Variants in ART3 observed in about 807,000 individuals in gnomAD.
ART3 encodes ADP-ribosyltransferase 3 (inactive), also known as ecto-ADP-ribosyltransferase 3.
Under a neutral mutation model 48.5 loss-of-function variants are expected in ART3, and 49 were observed. That is an observed-to-expected ratio of 1.01 (90% CI 0.80 to 1.28). The LOEUF is 1.28. Among genes scored for constraint, ART3 ranks in the 50% most tolerant of loss-of-function variants. The pLI, the probability that ART3 is intolerant of heterozygous loss-of-function variation, is 0.00. For missense variants in ART3, 438 were observed against 454.3 expected (o/e 0.96, Z 0.33); for synonymous variants, 145 against 157.2 (o/e 0.92, Z 0.58).
At chr4:76,066,827 G>T (rs969399143) in intron 1 of ART3, among the ~76,000 whole-genome samples, 1 of 152,098 alleles carries the variant, frequency 6.6e-6, no homozygotes, top group Non-Finnish European at 1.5e-5. Flanking sequence ...TACTCATGAC[G>T]CCCAGGCTCA....
intron 10 of ART3, chr4:76,105,540 T>G: frequency 7.8e-7 from 1 of 1,289,138 alleles, no homozygotes; most frequent in Non-Finnish European, 1.0e-6. Context: ...ATGATACAAC[T>G]GAATGAAAAA....
intron 10 of ART3, chr4:76,106,394 G>A (rs960352445): frequency 1.0e-6 from 1 of 980,970 alleles, no homozygotes; most frequent in Non-Finnish European, 1.2e-6. Context: ...TGCCAGTTAG[G>A]ACAGATTTAT....
chr4:76,088,930 ACAT>A (rs1392605323), intron 3 of ART3, among the ~76,000 whole-genome samples: 5 of 152,168 alleles, frequency 3.3e-5, no homozygotes, highest in Non-Finnish European at 7.4e-5. Flanking sequence ...CTGTTTGATG[ACAT>A]CATAAATTTG....
chr4:76,034,642 T>C (rs1734180160), intron 1 of ART3: 1 of 682,724 alleles, frequency 1.5e-6, no homozygotes, highest in Admixed American at 3.2e-5. Flanking sequence ...CCTTTCATCC[T>C]TCACATAACT....
At chr4:76,105,658 C>A in intron 10 of ART3, 1 of 1,095,064 alleles carries the variant, frequency 9.1e-7, no homozygotes, top group South Asian at 2.4e-5. Flanking sequence ...GACATCTGGG[C>A]TGTACACTTT....
intron 3 of ART3, 31 bp downstream of exon 3, chr4:76,082,566 G>A: frequency 6.6e-7 from 1 of 1,506,096 alleles, no homozygotes; most frequent in South Asian, 1.3e-5. Flanking sequence ...TGCTTGGCTG[G>A]GAGGGAAGGA....
At chr4:76,052,429 A>C (rs148104551) in intron 1 of ART3, among the ~76,000 whole-genome samples, 3 of 152,266 alleles carry the variant, frequency 2.0e-5, no homozygotes, top group African/African-American at 7.2e-5. Flanking sequence ...TGCTTGAGAG[A>C]GCCACTGGTA....
chr4:76,052,650 A>G (rs1460356908), intron 1 of ART3, among the ~76,000 whole-genome samples: 9 of 151,156 alleles, frequency 6.0e-5, no homozygotes, highest in Middle Eastern at 3.5e-3. Flanking sequence ...CTCTATGTCT[A>G]TGTGTACACA....
intron 1 of ART3, among the ~76,000 whole-genome samples, chr4:76,050,972 C>T (rs945264182): frequency 7.2e-5 from 11 of 152,332 alleles, no homozygotes; most frequent in African/African-American, 1.9e-4. Context: ...GCCAAGCCCA[C>T]GCCTACCCGG....
chr4:76,026,790 A>G (rs1384153664), intron 1 of ART3, among the ~76,000 whole-genome samples: 1 of 152,224 alleles, frequency 6.6e-6, no homozygotes, highest in Non-Finnish European at 1.5e-5. Context: ...ATGGTGTTAG[A>G]AGAAGGAGGA....
chr4:76,078,348 A>T (rs1157507919), intron 2 of ART3, among the ~76,000 whole-genome samples: 1 of 152,108 alleles, frequency 6.6e-6, no homozygotes, highest in African/African-American at 2.4e-5. Flanking sequence ...ATATAATGTA[A>T]GGAATGTGGG....
chr4:76,100,550 G>A (rs542334254), intron 6 of ART3, among the ~76,000 whole-genome samples: 2 of 148,954 alleles, frequency 1.3e-5, no homozygotes, highest in Admixed American at 1.4e-4. Context: ...AGAATCCCTT[G>A]AACCAGGGAG....
chr4:76,035,798 C>G lies in ART3; in HGVS notation c.-10+24478C>G, dbSNP rs1734336123. 6 of 757,388 alleles carry G rather than the reference C, an allele frequency of 7.9e-6. No individual in the cohort carries two copies. The East Asian group carries it at 1.6e-4, about 20-fold the overall frequency. 46.9% of individuals were successfully genotyped at this position (757,388 alleles called of 1,614,324 possible). A position where few individuals can be genotyped will look rare whatever the true frequency, so the allele number is the denominator to read the frequency against. On this transcript the variant is annotated intron_variant, in intron 1 of 9. Transcript: ENST00000341029. ...CATGTCCACCATTTCTGTGCTAAAG[C>G]TGTAGTAACTTCTAATCTGTGAGAT...
chr4:76,031,949 C>T (rs1733906995), intron 1 of ART3, among the ~76,000 whole-genome samples: 1 of 152,090 alleles, frequency 6.6e-6, no homozygotes, highest in Non-Finnish European at 1.5e-5. Context: ...GTTTCAAAGG[C>T]TTCTTGGAGA....
intron 2 of ART3, 70 bp downstream of exon 2, chr4:76,076,028 GTC>G (rs1214645749): frequency 2.2e-5 from 30 of 1,351,682 alleles, no homozygotes; most frequent in Non-Finnish European, 3.0e-5. Context: ...TTGAGACGGA[GTC>G]TCTCTCTGTC....
At chr4:76,047,785 CA>C (rs1333108682) in intron 1 of ART3, among the ~76,000 whole-genome samples, 5 of 151,880 alleles carry the variant, frequency 3.3e-5, no homozygotes, top group Non-Finnish European at 7.4e-5. Flanking sequence ...CAGCTAAAGC[CA>C]CATTCTTTTC....
chr4:76,031,747 G>A (rs1271721152), intron 1 of ART3, among the ~76,000 whole-genome samples: 4 of 152,148 alleles, frequency 2.6e-5, no homozygotes, highest in Admixed American at 1.3e-4. Flanking sequence ...ATTCAATAGG[G>A]TCTGATATGC....
At chr4:76,012,730 TGCTTGGTGACTTTAG>T (rs979716416) in intron 1 of ART3, among the ~76,000 whole-genome samples, 1 of 152,224 alleles carries the variant, frequency 6.6e-6, no homozygotes, top group Non-Finnish European at 1.5e-5. Flanking sequence ...GCAACATTTT[TGCTTGGTGACTTTAG>T]GCAAGTCAGC....
At chr4:76,034,804 T>G (rs537293787) in intron 1 of ART3, 7 of 1,552,928 alleles carry the variant, frequency 4.5e-6, no homozygotes, top group Non-Finnish European at 6.2e-6. Context: ...TAAAAATTCT[T>G]TCTTTCAACT....
Sources: gnomAD v4.1 joint callset for allele counts (sites outside exome capture counted in the v4.1 genomes callset) on GRCh38, gnomAD v4.1.1 for gene constraint, MANE v1.5 for transcripts, NCBI Gene and HGNC (gene_info 2026-07-23, HGNC 2026-07-21) for gene names.